The following VWDE variants were observed in gnomAD, a reference collection of about 807,000 sequenced individuals.
The protein encoded by VWDE is von Willebrand factor D and EGF domain-containing protein.
A neutral mutation model predicts 178.4 loss-of-function variants in VWDE; 207 were observed. The observed-to-expected ratio is 1.16, with a 90% confidence interval of 1.04 to 1.30. VWDE has a LOEUF of 1.30. Ranked by LOEUF, VWDE falls within the 50% of genes most tolerant of loss-of-function variation. The pLI is 0.00. For synonymous variants in VWDE, 738 were observed against 651.4 expected (o/e 1.13, Z -2.02); for missense variants, 2,287 against 1,901.3 (o/e 1.20, Z -3.77).
Position 12,403,747 on chromosome 7 carries a change from C to A in VWDE, c.-31G>T, listed in dbSNP as rs1416667772. ...CTTCCGCAGGTGGGGCGAAAGGCGT[C>A]GCAGAGCCCGGGCCGCGGGTGCCAG... On this transcript the variant is annotated 5_prime_UTR_variant, in exon 1 of 29. Coordinates refer to ENST00000275358, the MANE Select transcript of VWDE (RefSeq NM_001135924.3). The A allele has an allele frequency of 1.9e-6, 3 of 1,549,472 alleles. No individual in the cohort carries two copies. The highest frequency in any genetic ancestry group is 2.6e-6 in the Non-Finnish European group (3 of 1,145,850).
At position 12,370,410 on chromosome 7, in the gene VWDE, A is replaced by T; in HGVS notation, c.1896T>A (p.Tyr632Ter). The part of the protein sequence containing the change: ...YCSCSLDTAA[Y>*]PSSEDLDSVS... Reference sequence around the variant, plus strand: ...CACTGTCCAGATCTTCGGAAGACGGATACGCTGCAGTGTCCAATGAACAGC... The same window carrying T: ...CACTGTCCAGATCTTCGGAAGACGGTTACGCTGCAGTGTCCAATGAACAGC... The change falls in exon 12 of 29, where the codon TAT becomes TAA. Residue 632 changes from tyrosine (Y) to a stop codon, truncating the protein, a stop_gained. Coordinates refer to ENST00000275358, the MANE Select transcript of VWDE (RefSeq NM_001135924.3). LOFTEE classifies it high-confidence loss of function. 6.5e-7 allele frequency: 1 copy of T among 1,547,920 alleles called. No homozygotes were observed.
Position 12,335,516 on chromosome 7 carries a change from C to T in VWDE, c.4654+625G>A, listed in dbSNP as rs575294886. 3.3e-5 allele frequency among the ~76,000 whole-genome samples: 5 copies of T among 151,960 alleles called. No homozygotes were observed. In the South Asian group the frequency reaches 6.2e-4, roughly 19 times the overall value. ...TGTCGCCCAGGCCGGAGTGCAGTGG[C>T]GCGATCTCTGCTCACTGCAAGCTCT... On this transcript the variant is annotated intron_variant, in intron 27 of 28. Coordinates refer to ENST00000275358, the MANE Select transcript of VWDE (RefSeq NM_001135924.3).
rs61737650 is a variant in VWDE at position 12,356,286 on chromosome 7, T to C, written c.3570A>G (p.Val1190=). 5,184 of 1,551,466 alleles carry C rather than the reference T, an allele frequency of 3.3e-3. 140 individuals are homozygous for C. The African/African-American group carries it at 0.061, about 18-fold the overall frequency. Residue 1190 remains valine, a synonymous_variant, in exon 18 of 29, where the codon GTA becomes GTG. Transcript: ENST00000275358. ...TCCCTGGAGAAAAGTTCCTATCAGA[T>C]ACACATGATCCACCATTCAAGCAAT... is the stretch of plus-strand genomic sequence containing the variant. ...SCDCLNGGSC[V]SDRNFSPGSG... is the part of the protein sequence containing the mutation.
At chr7:12,345,815 A>G (rs530301892) in intron 19 of VWDE, among the ~76,000 whole-genome samples, 1 of 152,256 alleles carries the variant, frequency 6.6e-6, no homozygotes, top group East Asian at 1.9e-4. Flanking sequence ...GCTTTACTGA[A>G]TTATCCATTT....
At chr7:12,353,685 T>C (rs1483891358) in intron 18 of VWDE, 4 of 152,178 alleles carry the variant, frequency 2.6e-5, no homozygotes, top group Non-Finnish European at 5.9e-5. Flanking sequence ...CACAGTTCCC[T>C]ACCCACAAGT....
At chr7:12,365,563 C>T (rs967166237) in intron 13 of VWDE, among the ~76,000 whole-genome samples, 6 of 152,048 alleles carry the variant, frequency 3.9e-5, no homozygotes, top group African/African-American at 1.2e-4. Context: ...AATCGATTCA[C>T]GTTGACTGAA....
At chr7:12,345,537 C>A (rs1781557393) in intron 19 of VWDE, among the ~76,000 whole-genome samples, 1 of 152,064 alleles carries the variant, frequency 6.6e-6, no homozygotes, top group Non-Finnish European at 1.5e-5. Flanking sequence ...ACTTTTCTGG[C>A]AAAATAGCAA....
chr7:12,363,872 T>G (rs776887350), intron 13 of VWDE, among the ~76,000 whole-genome samples: 4 of 152,060 alleles, frequency 2.6e-5, no homozygotes, highest in Admixed American at 6.6e-5. Flanking sequence ...AGTTGTATTA[T>G]AAATAAAACA....
chr7:12,343,968 C>T (rs1184542085), intron 21 of VWDE, among the ~76,000 whole-genome samples: 1 of 152,014 alleles, frequency 6.6e-6, no homozygotes, highest in Non-Finnish European at 1.5e-5. Context: ...TTACCAATAA[C>T]AAATAAGCTA....
At chr7:12,351,804 G>T in intron 18 of VWDE, 91 bp from the exon 19 acceptor site, 2 of 1,136,422 alleles carry the variant, frequency 1.8e-6, no homozygotes, top group Non-Finnish European at 2.4e-6. Flanking sequence ...AACGCCACTT[G>T]GATTAAACTC....
At chr7:12,354,245 G>T in intron 18 of VWDE, 1 of 328,424 alleles carries the variant, frequency 3.0e-6, no homozygotes, top group South Asian at 2.6e-5. Flanking sequence ...GACACTTAAT[G>T]CATTTACACT....
chr7:12,389,308 T>A lies in VWDE; in HGVS notation c.294A>T (p.Ser98=). Residue 98 remains serine (S), a synonymous_variant, in exon 3 of 29, where the codon TCA becomes TCT. Coordinates refer to ENST00000275358, the MANE Select transcript of VWDE (RefSeq NM_001135924.3). ...TCTCCCCAGGAGATGGCAGTGTTTC[T>A]GAATCTCTCAGAGACAGCCAGATGG... ...QAPIWLSLRD[S]ETLPSPGEIK... The A allele has an allele frequency of 6.4e-7, 1 of 1,551,542 alleles. No individual in the cohort carries two copies. Among genetic ancestry groups the A allele is most frequent in the Non-Finnish European group, 8.7e-7 (1 of 1,146,840 alleles).
chr7:12,392,216 T>A lies in VWDE; in HGVS notation c.243+1378A>T, dbSNP rs561736891. Among the ~76,000 whole-genome samples, 317 of 152,352 alleles carry A rather than the reference T, an allele frequency of 2.1e-3. 3 individuals carry two copies. Among genetic ancestry groups the A allele is most frequent in the African/African-American group, 7.0e-3 (291 of 41,580 alleles). ...AAGTAACACTAGCTACCTAAAAGCATCACTGAGAGAACTAGTGAGTTTACA... is the reference window on the plus strand; with the variant it reads ...AAGTAACACTAGCTACCTAAAAGCAACACTGAGAGAACTAGTGAGTTTACA... On this transcript the variant is annotated intron_variant, in intron 2 of 28. Transcript: ENST00000275358.
chr7:12,360,887 A>C (rs544765372), intron 15 of VWDE, among the ~76,000 whole-genome samples: 6 of 152,188 alleles, frequency 3.9e-5, no homozygotes, highest in Non-Finnish European at 8.8e-5. Context: ...TGTAGGTAGG[A>C]GTGAAGTAGT....
At chr7:12,388,927 T>C (rs1446439831) in intron 3 of VWDE, 200 bp downstream of exon 3, 1 of 706,638 alleles carries the variant, frequency 1.4e-6, no homozygotes, top group Non-Finnish European at 2.6e-6. Flanking sequence ...CTTTCACGTG[T>C]GGGGGGACTT....
chr7:12,338,596 A>G lies in VWDE; in HGVS notation c.4367-1324T>C, dbSNP rs12540804. On this transcript the variant is annotated intron_variant, in intron 24 of 28. Coordinates refer to ENST00000275358, the MANE Select transcript of VWDE (RefSeq NM_001135924.3). ...ACTTAAAATAATATATACAAAGGGC[A>G]TACAATTTAAGGGTGGCCATGTCTA... 6.0e-3 allele frequency among the ~76,000 whole-genome samples: 918 copies of G among 152,254 alleles called. 6 individuals carry two copies. Among genetic ancestry groups the G allele is most frequent in the Middle Eastern group, 0.034 (10 of 294 alleles).
At position 12,350,472 on chromosome 7, in the gene VWDE, A is replaced by G. The variant is rs537272432; in HGVS notation, c.3886+1101T>C. On this transcript the variant is annotated intron_variant, in intron 19 of 28. Transcript: ENST00000275358. ...AATTTAAAACTAGGAATTCTGAAAA[A>G]GCAACTAATAAAAGGAAAATTCATC... 7.2e-5 allele frequency among the ~76,000 whole-genome samples: 11 copies of G among 152,270 alleles called. 1 individual carries two copies. The South Asian group carries it at 2.3e-3, about 32-fold the overall frequency.
At position 12,400,607 on chromosome 7, in the gene VWDE, T is replaced by G. The variant is rs1323896350; in HGVS notation, c.58+3052A>C. Among the ~76,000 whole-genome samples the G allele has an allele frequency of 3.3e-5, 5 of 152,210 alleles. No homozygotes were observed. The Middle Eastern group carries it at 0.017, about 518-fold the overall frequency. On this transcript the variant is annotated intron_variant, in intron 1 of 28. Coordinates refer to ENST00000275358, the MANE Select transcript of VWDE (RefSeq NM_001135924.3). ...TGGCCCAGATGGCATCAATGCTAAA[T>G]TCTACCAAACATTTCAAAAAGAATT...
intron 18 of VWDE, among the ~76,000 whole-genome samples, chr7:12,354,689 A>T (rs996826456): frequency 6.6e-6 from 1 of 152,226 alleles, no homozygotes; most frequent in Non-Finnish European, 1.5e-5. Context: ...ATTCAATTTA[A>T]TATTAAACCA....
Sources: gnomAD v4.1 joint callset for allele counts (sites outside exome capture counted in the v4.1 genomes callset) on GRCh38, gnomAD v4.1.1 for gene constraint, MANE v1.5 for transcripts, NCBI Gene and HGNC (gene_info 2026-07-23, HGNC 2026-07-21) for gene names.